OTOGL: variants seen among roughly 807,000 people sequenced by gnomAD.
OTOGL encodes otogelin-like protein.
In OTOGL, 285 loss-of-function variants were observed where a neutral mutation model predicts 318.5. The observed-to-expected ratio is 0.89, with a 90% CI of 0.81 to 0.99. The LOEUF (loss-of-function observed/expected upper bound fraction) is 0.99, where lower values mean the gene tolerates loss of function less well. OTOGL is among the 50% of genes least tolerant of loss of function. The probability of loss-of-function intolerance (pLI) is 0.00; values close to 1 mark genes in which losing one functional copy is unlikely to be tolerated. For synonymous variants in OTOGL, 987 were observed against 936.5 expected (o/e 1.05, Z -0.99); for missense variants, 2,899 against 2,845.6 (o/e 1.02, Z -0.43).
Position 80,380,121 on chromosome 12 carries a change from A to T in OTOGL, c.*2073A>T, listed in dbSNP as rs1891379060. 6.6e-6 allele frequency: 1 copy of T among 152,092 alleles called. No homozygotes were observed. Among genetic ancestry groups the T allele is most frequent in the Non-Finnish European group, 1.5e-5 (1 of 67,934 alleles). 9.4% of individuals were successfully genotyped at this position (152,092 alleles called of 1,614,324 possible). On this transcript the variant is annotated 3_prime_UTR_variant, in exon 59 of 59. Transcript: ENST00000547103. ...TTGAATTCATACATCCATTGACATT[A>T]GGATAACCTCCAAATGAATCAGAGA...
chr12:80,301,858 C>A (rs1407579287), intron 27 of OTOGL, among the ~76,000 whole-genome samples: 3 of 152,162 alleles, frequency 2.0e-5, no homozygotes, highest in East Asian at 3.8e-4. Flanking sequence ...TCTGTTCATG[C>A]CTTTTACTCA....
chr12:80,149,254 G>T (rs1383679975), intron 1 of OTOGL, among the ~76,000 whole-genome samples: 2 of 152,054 alleles, frequency 1.3e-5, no homozygotes, highest in East Asian at 3.9e-4. Flanking sequence ...CTTTCTGTTT[G>T]TTAGTTTTCC....
In OTOGL at chr12:80,296,904, T is replaced by A. The variant is rs1235037358; in HGVS notation, c.3006T>A (p.Ser1002Arg). Residue 1002 changes from serine to arginine, a missense_variant, in exon 27 of 59, where the codon AGT (serine) becomes AGA (arginine). Physicochemically the swap from Ser to Arg is moderately radical, Grantham distance 110. Transcript: ENST00000547103. ...CFDNDIVCSKSVLISVGDTEI... is the reference protein window; with the variant it reads ...CFDNDIVCSKRVLISVGDTEI... ...ACAACGATATTGTTTGTTCTAAAAG[T>A]GTTTTGATTTCAGTTGGGGACACTG... The A allele has an allele frequency of 3.0e-5, 46 of 1,542,322 alleles. No individual in the cohort carries two copies. The highest frequency in any genetic ancestry group is 4.0e-5 in the Non-Finnish European group (46 of 1,146,156).
intron 1 of OTOGL, chr12:80,103,213 T>A (rs1459092985): frequency 7.0e-7 from 1 of 1,435,888 alleles, no homozygotes; most frequent in Non-Finnish European, 9.8e-7. Context: ...TCGTTGTACT[T>A]CTGTCTCAGC....
chr12:80,316,515 G>C (rs1184394782), intron 32 of OTOGL, among the ~76,000 whole-genome samples: 2 of 152,140 alleles, frequency 1.3e-5, no homozygotes, highest in Non-Finnish European at 2.9e-5. Context: ...TTCTTCTAAT[G>C]TGTTACAGAA....
At chr12:80,156,009 C>T (rs1228631994) in intron 1 of OTOGL, among the ~76,000 whole-genome samples, 2 of 152,136 alleles carry the variant, frequency 1.3e-5, no homozygotes, top group Admixed American at 1.3e-4. Context: ...TTTTCTTTAT[C>T]CACTTGTGAT....
chr12:80,147,045 T>C (rs1056875647), intron 1 of OTOGL, among the ~76,000 whole-genome samples: 1 of 151,204 alleles, frequency 6.6e-6, no homozygotes, highest in African/African-American at 2.4e-5. Context: ...TTTTTGTGTC[T>C]CTATTTCCTT....
At chr12:80,251,333 A>T (rs1282339466) in intron 11 of OTOGL, among the ~76,000 whole-genome samples, 4 of 152,246 alleles carry the variant, frequency 2.6e-5, no homozygotes, top group Non-Finnish European at 4.4e-5. Context: ...TTAAATTCTA[A>T]AAGGCCTGGA....
chr12:80,155,754 C>T lies in OTOGL; in HGVS notation c.-19-53659C>T, dbSNP rs1031094251. ...TTTTTATACCCATTAATCATCCCCA[C>T]CTCCCACCCTCTCCACTCATTTTCT... On this transcript the variant is annotated intron_variant, in intron 1 of 58. Transcript: ENST00000547103. Among the ~76,000 whole-genome samples, 4 of 152,302 alleles carry T rather than the reference C, an allele frequency of 2.6e-5. No homozygotes were observed. The East Asian group carries it at 7.7e-4, about 29-fold the overall frequency.
rs1347077159 is a variant in OTOGL at position 80,367,595 on chromosome 12, A to C, written c.6366A>C (p.Ser2122=). 6.5e-7 allele frequency: 1 copy of C among 1,544,968 alleles called. No homozygotes were observed. The highest frequency in any genetic ancestry group is 8.8e-7 in the Non-Finnish European group (1 of 1,135,994). The change falls in exon 54 of 59, where the codon TCA becomes TCC. Residue 2122 remains serine, a synonymous_variant. Transcript: ENST00000547103. The stretch of plus-strand genomic sequence containing the variant: ...ATGTGTGTGTATTTCAAGAAGTATC[A>C]GTATTGAATCCTGGACAATCCATGA... ...KDDVCVFQEV[S]VLNPGQSMIK...
intron 6 of OTOGL, among the ~76,000 whole-genome samples, chr12:80,220,858 A>G (rs74108566): frequency 6.6e-6 from 1 of 152,142 alleles, no homozygotes; most frequent in African/African-American, 2.4e-5. Context: ...GCTGTAAAGT[A>G]CAAGATGCTA....
chr12:80,361,592 TCCC>T (rs1480421700), intron 52 of OTOGL, among the ~76,000 whole-genome samples: 2 of 150,228 alleles, frequency 1.3e-5, no homozygotes, highest in Non-Finnish European at 3.0e-5. Context: ...TAATTTACAT[TCCC>T]ACCAACAGCA....
At chr12:80,308,158 CT>C (rs766589687) in intron 29 of OTOGL, among the ~76,000 whole-genome samples, 3 of 150,450 alleles carry the variant, frequency 2.0e-5, no homozygotes, top group Non-Finnish European at 4.5e-5. Flanking sequence ...ACACCCCCAC[CT>C]CCCTCCCGGA....
At position 80,127,552 on chromosome 12, in the gene OTOGL, C is replaced by T. The variant is rs1041740343; in HGVS notation, c.-20+27947C>T. On this transcript the variant is annotated intron_variant, in intron 1 of 58. Transcript: ENST00000547103. ...CTCTTCTCGAGGAGTATCTTTGTGG[C>T]ATTCTCTGTATTTCCTGAATCTGAA... Among the ~76,000 whole-genome samples the T allele has an allele frequency of 2.4e-4, 36 of 152,192 alleles. 1 individual carries two copies. The highest frequency in any genetic ancestry group is 5.2e-4 in the Admixed American group (8 of 15,284).
chr12:80,181,912 C>G (rs2137241257), intron 1 of OTOGL, among the ~76,000 whole-genome samples: 1 of 152,260 alleles, frequency 6.6e-6, no homozygotes, highest in Admixed American at 6.5e-5. Flanking sequence ...ATCTGTAATC[C>G]TAGCACTTTG....
chr12:80,230,622 A>G (rs1206631389), intron 8 of OTOGL, among the ~76,000 whole-genome samples: 1 of 152,182 alleles, frequency 6.6e-6, no homozygotes, highest in Non-Finnish European at 1.5e-5. Context: ...TTCTATGAGG[A>G]TTTCAGATTG....
intron 1 of OTOGL, among the ~76,000 whole-genome samples, chr12:80,103,744 T>C (rs569319871): frequency 3.3e-5 from 5 of 152,334 alleles, no homozygotes; most frequent in Admixed American, 1.3e-4. Context: ...AGCTGAATAA[T>C]ATGGAAATAC....
rs546198406 is a variant in OTOGL at position 80,311,740 on chromosome 12, GTCTT to G, written c.3450+1015_3450+1018del. ...ATTAAAATGTGTGAAATGAGTCCGT[GTCTT>G]TAAGGAAACACCTGATGGTGTCTGT... On this transcript the variant is annotated intron_variant, in intron 30 of 58. Transcript: ENST00000547103. Among the ~76,000 whole-genome samples the G allele has an allele frequency of 1.9e-3, 286 of 152,278 alleles. 1 individual carries two copies. Among genetic ancestry groups the G allele is most frequent in the African/African-American group, 6.3e-3 (263 of 41,540 alleles).
intron 26 of OTOGL, among the ~76,000 whole-genome samples, chr12:80,287,998 G>T (rs976876432): frequency 6.6e-6 from 1 of 152,090 alleles, no homozygotes; most frequent in Non-Finnish European, 1.5e-5. Flanking sequence ...CGTGTCATTG[G>T]TCTTTATATT....
Sources: gnomAD v4.1 joint callset for allele counts (sites outside exome capture counted in the v4.1 genomes callset) on GRCh38, gnomAD v4.1.1 for gene constraint, MANE v1.5 for transcripts, NCBI Gene and HGNC (gene_info 2026-07-23, HGNC 2026-07-21) for gene names.